The following MARCHF1 variants were observed in gnomAD, a reference collection of about 807,000 sequenced individuals.
The protein encoded by MARCHF1 is E3 ubiquitin-protein ligase MARCHF1.
Under a neutral mutation model 54.2 loss-of-function variants are expected in MARCHF1, and 40 were observed. The observed-to-expected ratio is 0.74, with a 90% CI of 0.57 to 0.96. The LOEUF (loss-of-function observed/expected upper bound fraction) is 0.96, where lower values mean the gene tolerates loss of function less well. MARCHF1 is among the 40% of genes least tolerant of loss of function. The pLI, the probability that MARCHF1 is intolerant of heterozygous loss-of-function variation, is 0.00. For synonymous variants in MARCHF1, 236 were observed against 236.3 expected, an observed-to-expected ratio of 1.00 and a Z score of 0.01; for missense variants, 586 against 656.5, an observed-to-expected ratio of 0.89 and a Z score of 1.17.
intron 5 of MARCHF1, among the ~76,000 whole-genome samples, chr4:163,627,972 A>C (rs1012484074): frequency 6.6e-6 from 1 of 152,176 alleles, no homozygotes; most frequent in Non-Finnish European, 1.5e-5. Context: ...GCTAAAACTA[A>C]AAAACTCCTA....
chr4:163,817,951 G>C (rs1364198515), intron 4 of MARCHF1, among the ~76,000 whole-genome samples: 2 of 125,152 alleles, frequency 1.6e-5, no homozygotes, highest in Non-Finnish European at 3.3e-5. Context: ...TCACACTCTG[G>C]GGACTGTTGT....
chr4:164,157,952 G>A (rs576415204), intron 1 of MARCHF1, among the ~76,000 whole-genome samples: 25 of 152,186 alleles, frequency 1.6e-4, no homozygotes, highest in Middle Eastern at 3.4e-3. Flanking sequence ...CAATTCCAGC[G>A]ATGGTTTTCC....
intron 5 of MARCHF1, among the ~76,000 whole-genome samples, chr4:163,687,374 C>T (rs1235037884): frequency 1.3e-5 from 2 of 152,098 alleles, no homozygotes; most frequent in East Asian, 3.9e-4. Context: ...ACTACAGGTG[C>T]CCGCCACCAC....
At chr4:164,250,627 G>T (rs957185191) in intron 1 of MARCHF1, among the ~76,000 whole-genome samples, 2 of 151,930 alleles carry the variant, frequency 1.3e-5, no homozygotes. Context: ...TCTCATCCCA[G>T]GTTGATTAAA....
chr4:163,999,744 C>T lies in MARCHF1; in HGVS notation c.-247-11035G>A, dbSNP rs533772217. On this transcript the variant is annotated intron_variant, in intron 2 of 9. Transcript: ENST00000514618. ...TCTGCCAAATAATGTAGTAAGCATT[C>T]TACATATATATGTACATATAAATAT... 9.9e-5 allele frequency among the ~76,000 whole-genome samples: 15 copies of T among 151,444 alleles called. No homozygotes were observed. In the South Asian group the frequency reaches 3.1e-3, roughly 31 times the overall value.
chr4:163,709,487 A>G (rs1427476993), intron 4 of MARCHF1, among the ~76,000 whole-genome samples: 1 of 152,186 alleles, frequency 6.6e-6, no homozygotes, highest in East Asian at 1.9e-4. Context: ...TAGAACATCT[A>G]ATTAAGAAAC....
At chr4:163,673,010 C>T (rs933024800) in intron 5 of MARCHF1, among the ~76,000 whole-genome samples, 1 of 152,150 alleles carries the variant, frequency 6.6e-6, no homozygotes, top group Non-Finnish European at 1.5e-5. Context: ...CCAGGACAAT[C>T]TTCTCATCTC....
At chr4:164,092,414 C>T (rs1469669635) in intron 2 of MARCHF1, among the ~76,000 whole-genome samples, 1 of 152,084 alleles carries the variant, frequency 6.6e-6, no homozygotes, top group Non-Finnish European at 1.5e-5. Context: ...TGGCAGCTAG[C>T]CTGACAGAAG....
Position 163,702,706 on chromosome 4 carries a change from C to CA in MARCHF1, c.112-1844dup, listed in dbSNP as rs1352810907. Among the ~76,000 whole-genome samples, 7 of 152,260 alleles carry CA rather than the reference C, an allele frequency of 4.6e-5. No individual in the cohort carries two copies. In the East Asian group the frequency reaches 1.4e-3, roughly 29 times the overall value. On this transcript the variant is annotated intron_variant, in intron 4 of 9. Transcript: ENST00000514618. ...TTCCACACTCTCTACCAGCATCTGC[C>CA]AATCTAATGGGGGAAAAGCATCTGA... is the stretch of plus-strand genomic sequence containing the variant.
At chr4:163,805,666 T>C (rs1267856124) in intron 4 of MARCHF1, among the ~76,000 whole-genome samples, 1 of 152,196 alleles carries the variant, frequency 6.6e-6, no homozygotes, top group African/African-American at 2.4e-5. Flanking sequence ...TTCCTTATGT[T>C]GTAGAAGACA....
intron 1 of MARCHF1, among the ~76,000 whole-genome samples, chr4:164,349,342 T>A (rs1178474232): frequency 1.3e-5 from 2 of 152,204 alleles, no homozygotes; most frequent in Non-Finnish European, 2.9e-5. Flanking sequence ...TACCTCTGCA[T>A]TTTTATTCCT....
intron 3 of MARCHF1, among the ~76,000 whole-genome samples, chr4:163,971,968 A>C (rs539305428): frequency 6.6e-6 from 1 of 152,352 alleles, no homozygotes; most frequent in South Asian, 2.1e-4. Flanking sequence ...TCAATGATAG[A>C]CTGGATAAAG....
intron 1 of MARCHF1, among the ~76,000 whole-genome samples, chr4:164,224,616 A>G (rs1732200901): frequency 6.6e-6 from 1 of 152,002 alleles, no homozygotes; most frequent in Admixed American, 6.6e-5. Context: ...AGCATTTTCT[A>G]TTTGTAACTT....
chr4:164,158,028 A>C (rs1482882771), intron 1 of MARCHF1, among the ~76,000 whole-genome samples: 2 of 152,150 alleles, frequency 1.3e-5, no homozygotes, highest in Non-Finnish European at 2.9e-5. Flanking sequence ...AATTGCTTCT[A>C]CTTTCACTTG....
At chr4:164,178,973 T>C (rs781674375) in intron 1 of MARCHF1, among the ~76,000 whole-genome samples, 1 of 152,134 alleles carries the variant, frequency 6.6e-6, no homozygotes, top group Admixed American at 6.5e-5. Context: ...GAAATGATAC[T>C]ACCTGGAGAA....
At chr4:164,100,747 C>A (rs1394192456) in intron 2 of MARCHF1, among the ~76,000 whole-genome samples, 1 of 152,074 alleles carries the variant, frequency 6.6e-6, no homozygotes, top group Non-Finnish European at 1.5e-5. Context: ...AAGGAATAAG[C>A]TGGGGGAGGA....
At chr4:163,768,704 A>G (rs1450941533) in intron 4 of MARCHF1, among the ~76,000 whole-genome samples, 4 of 152,184 alleles carry the variant, frequency 2.6e-5, no homozygotes, top group African/African-American at 9.6e-5. Context: ...TTAGAAATTT[A>G]TTGAGTGTAA....
chr4:163,872,476 T>C (rs891586176), intron 3 of MARCHF1, among the ~76,000 whole-genome samples: 1 of 152,212 alleles, frequency 6.6e-6, no homozygotes, highest in Non-Finnish European at 1.5e-5. Context: ...ATGCTTATCT[T>C]TTCTACAATA....
At chr4:163,901,067 T>G (rs1168174668) in intron 3 of MARCHF1, among the ~76,000 whole-genome samples, 5 of 152,166 alleles carry the variant, frequency 3.3e-5, no homozygotes, top group Non-Finnish European at 5.9e-5. Flanking sequence ...ACCATCCCAT[T>G]GTATATTTTA....
Sources: allele counts gnomAD v4.1 joint callset (sites outside exome capture counted in the v4.1 genomes callset), GRCh38; gene constraint gnomAD v4.1.1; transcripts MANE v1.5; gene names NCBI Gene and HGNC (gene_info 2026-07-23, HGNC 2026-07-21).